Variants in GCSAML observed in about 807,000 individuals in gnomAD.
The protein encoded by GCSAML is germinal center associated signaling and motility like.
A neutral mutation model predicts 13.0 loss-of-function variants in GCSAML; 9 were observed. The observed-to-expected ratio is 0.69, with a 90% confidence interval of 0.42 to 1.21. The LOEUF (loss-of-function observed/expected upper bound fraction) is 1.21, where lower values mean the gene tolerates loss of function less well. Among genes scored for constraint, GCSAML ranks in the 50% most tolerant of loss-of-function variants. The pLI, the probability that GCSAML is intolerant of heterozygous loss-of-function variation, is 0.00. For synonymous variants in GCSAML, 37 were observed against 52.9 expected (o/e 0.70, Z 1.31); for missense variants, 143 against 153.4 (o/e 0.93, Z 0.36).
chr1:247,532,085 G>T (rs751229065), intron 2 of GCSAML: 2 of 1,613,980 alleles, frequency 1.2e-6, no homozygotes, highest in African/African-American at 2.7e-5. Flanking sequence ...GCTAGCCCAA[G>T]GCAAAGCTGT....
At chr1:247,553,243 G>A (rs1667841501) in intron 1 of GCSAML, among the ~76,000 whole-genome samples, 1 of 152,032 alleles carries the variant, frequency 6.6e-6, no homozygotes. Flanking sequence ...GCCTGTTATT[G>A]TTGGAATGCT....
chr1:247,533,763 CTG>C (rs1490137037), intron 2 of GCSAML: 1 of 152,232 alleles, frequency 6.6e-6, no homozygotes, highest in Non-Finnish European at 1.5e-5. Context: ...GAAGGCTCCT[CTG>C]TTATGTAAAA....
intron 2 of GCSAML, chr1:247,532,638 C>A: frequency 1.0e-6 from 1 of 952,476 alleles, no homozygotes; most frequent in Non-Finnish European, 1.5e-6. Flanking sequence ...TTATGTTATT[C>A]TTTTTTAGAG....
chr1:247,507,967 A>G (rs1665885834), intron 1 of GCSAML, among the ~76,000 whole-genome samples: 1 of 152,228 alleles, frequency 6.6e-6, no homozygotes, highest in Admixed American at 6.5e-5. Flanking sequence ...CACTGCTGCA[A>G]TAAACATACG....
chr1:247,508,440 T>A (rs1018433688), intron 1 of GCSAML, among the ~76,000 whole-genome samples: 1 of 152,158 alleles, frequency 6.6e-6, no homozygotes, highest in Non-Finnish European at 1.5e-5. Context: ...ATTGCAAAAA[T>A]TTTCTGCCAT....
chr1:247,552,980 T>A (rs1392256272), intron 1 of GCSAML, among the ~76,000 whole-genome samples: 1 of 152,158 alleles, frequency 6.6e-6, no homozygotes, highest in Non-Finnish European at 1.5e-5. Context: ...GGTCTTGAAC[T>A]CCTGACCTTG....
At chr1:247,566,624 A>G (rs1668380383) in intron 4 of GCSAML, among the ~76,000 whole-genome samples, 1 of 151,438 alleles carries the variant, frequency 6.6e-6, no homozygotes, top group Non-Finnish European at 1.5e-5. Context: ...CCACCATAAA[A>G]CATTAATTAT....
At chr1:247,563,769 T>C in intron 3 of GCSAML, 130 bp downstream of exon 3, 1 of 492,892 alleles carries the variant, frequency 2.0e-6, no homozygotes, top group Non-Finnish European at 3.7e-6. Context: ...TACTCTTTCA[T>C]AAAACTGATC....
chr1:247,532,600 A>G, intron 2 of GCSAML: 1 of 1,215,486 alleles, frequency 8.2e-7, no homozygotes, highest in Non-Finnish European at 1.2e-6. Context: ...ATCAGTTAGC[A>G]AACATTAAAA....
upstream of GCSAML, among the ~76,000 whole-genome samples, chr1:247,546,824 T>C (rs1440162306): frequency 6.6e-6 from 1 of 150,852 alleles, no homozygotes; most frequent in Non-Finnish European, 1.5e-5. Context: ...ATGTGGTGGC[T>C]CAAGCCTGTA....
rs79650379 is a variant in GCSAML, at chr1:247,574,570, G to A, written c.*188G>A. ...TCTCTGTGGCTTAGGTGAAATCATA[G>A]AAATTGACACAATGACCTAAAATAT... On this transcript the variant is annotated 3_prime_UTR_variant, in exon 5 of 5. Coordinates refer to ENST00000366488, the MANE Select transcript of GCSAML (RefSeq NM_145278.5). 1.5e-4 allele frequency: 90 copies of A among 606,594 alleles called. No homozygotes were observed. Among genetic ancestry groups the A allele is most frequent in the Middle Eastern group, 3.7e-4 (1 of 2,704 alleles). The allele number at this position is 606,594 out of a possible 1,614,324, so 37.6% of individuals were successfully genotyped here.
intron 1 of GCSAML, among the ~76,000 whole-genome samples, chr1:247,524,028 A>ACACACT (rs1291558240): frequency 6.7e-6 from 1 of 150,368 alleles, no homozygotes; most frequent in Non-Finnish European, 1.5e-5. Context: ...ACACACACAC[A>ACACACT]CTCTGCAGAT....
At chr1:247,532,590 A>T in intron 2 of GCSAML, 1 of 1,288,388 alleles carries the variant, frequency 7.8e-7, no homozygotes, top group African/African-American at 1.5e-5. Flanking sequence ...AAGCAATTAC[A>T]TCAGTTAGCA....
intron 1 of GCSAML, among the ~76,000 whole-genome samples, chr1:247,512,872 G>A (rs932724579): frequency 2.6e-5 from 4 of 152,136 alleles, no homozygotes; most frequent in African/African-American, 7.2e-5. Flanking sequence ...CTGCCTGTTC[G>A]TTCCTCTGGA....
intron 2 of GCSAML, chr1:247,529,578 A>T (rs977831057): frequency 6.6e-6 from 1 of 152,246 alleles, no homozygotes; most frequent in East Asian, 1.9e-4. Flanking sequence ...TACATGATGC[A>T]TAATAATCCA....
chr1:247,537,692 C>G (rs998376871), intron 2 of GCSAML, among the ~76,000 whole-genome samples: 1 of 151,780 alleles, frequency 6.6e-6, no homozygotes, highest in South Asian at 2.1e-4. Flanking sequence ...TTATGGCCAT[C>G]GTAGTGGATA....
At chr1:247,549,118 T>A (rs1335809535), upstream of GCSAML, 2 of 1,613,898 alleles carry the variant, frequency 1.2e-6, no homozygotes, top group Non-Finnish European at 1.7e-6. Flanking sequence ...TGCATTTTCC[T>A]CTTGGTGCTT....
At chr1:247,551,251 G>A (rs1310817954) in intron 1 of GCSAML, among the ~76,000 whole-genome samples, 6 of 152,306 alleles carry the variant, frequency 3.9e-5, no homozygotes, top group Non-Finnish European at 1.5e-5. Context: ...TTTGGATTGT[G>A]CTGTAAATGT....
rs112417189 is a variant in GCSAML, at chr1:247,531,256, G to C, written c.-148+4202G>C. 9.4e-3 allele frequency: 3,606 copies of C among 384,918 alleles called. 132 individuals carry two copies. Among genetic ancestry groups the C allele is most frequent in the African/African-American group, 0.068 (3,314 of 48,682 alleles). 23.8% of individuals were successfully genotyped at this position (384,918 alleles called of 1,614,324 possible). Reference sequence around the variant, plus strand: ...GAGCGTCCTGGAATCCACCCGCTTCGGATACTGAGGAACAGCTGAACAACA... The same window carrying C: ...GAGCGTCCTGGAATCCACCCGCTTCCGATACTGAGGAACAGCTGAACAACA... On this transcript the variant is annotated intron_variant, in intron 2 of 5. Transcript: ENST00000366489.
Sources: allele counts gnomAD v4.1 joint callset (sites outside exome capture counted in the v4.1 genomes callset), GRCh38; gene constraint gnomAD v4.1.1; transcripts MANE v1.5; gene names NCBI Gene and HGNC (gene_info 2026-07-23, HGNC 2026-07-21).